Variants in ST6GALNAC5 observed in about 807,000 individuals in gnomAD.
ST6GALNAC5 encodes alpha-N-acetylgalactosaminide alpha-2,6-sialyltransferase 5.
A neutral mutation model predicts 33.6 loss-of-function variants in ST6GALNAC5; 27 were observed. The observed-to-expected ratio is 0.80, with a 90% CI of 0.59 to 1.11. The LOEUF (loss-of-function observed/expected upper bound fraction) is 1.11, where lower values mean the gene tolerates loss of function less well. ST6GALNAC5 is among the 50% of genes least tolerant of loss of function. The pLI is 0.00. For missense variants in ST6GALNAC5, 428 were observed against 454.0 expected (o/e 0.94, Z 0.52); for synonymous variants, 194 against 171.2 (o/e 1.13, Z -1.04).
At chr1:76,972,534 T>C (rs75257984) in intron 2 of ST6GALNAC5, among the ~76,000 whole-genome samples, 1,694 of 152,334 alleles carry the variant, frequency 0.011, 30 homozygotes, top group African/African-American at 0.039. Flanking sequence ...TTTTCAATAA[T>C]GTATACGTTT....
At chr1:77,058,776 G>C (rs1652481016) in intron 4 of ST6GALNAC5, among the ~76,000 whole-genome samples, 1 of 152,226 alleles carries the variant, frequency 6.6e-6, no homozygotes, top group Non-Finnish European at 1.5e-5. Flanking sequence ...AGCTGAAATA[G>C]TCAAGTCCAG....
At chr1:77,047,787 A>T (rs1438953052) in intron 3 of ST6GALNAC5, among the ~76,000 whole-genome samples, 1 of 152,240 alleles carries the variant, frequency 6.6e-6, no homozygotes, top group Non-Finnish European at 1.5e-5. Context: ...CTGGTGGAGC[A>T]GAAAGGCCCT....
At chr1:76,893,733 T>C (rs1363399678) in intron 2 of ST6GALNAC5, among the ~76,000 whole-genome samples, 1 of 152,188 alleles carries the variant, frequency 6.6e-6, no homozygotes, top group Non-Finnish European at 1.5e-5. Flanking sequence ...CGATCTCGGC[T>C]CACTGCAACC....
chr1:77,002,370 T>C (rs1557756009), intron 2 of ST6GALNAC5, among the ~76,000 whole-genome samples: 1 of 152,162 alleles, frequency 6.6e-6, no homozygotes, highest in Non-Finnish European at 1.5e-5. Context: ...GTCTATTTGA[T>C]TCTTCTCTCT....
intron 2 of ST6GALNAC5, among the ~76,000 whole-genome samples, chr1:76,945,274 A>G (rs1647476212): frequency 6.6e-6 from 1 of 152,120 alleles, no homozygotes; most frequent in African/African-American, 2.4e-5. Flanking sequence ...TGGGAGAAAA[A>G]AAAAAGGAAG....
At chr1:76,910,727 G>A (rs1014786140) in intron 2 of ST6GALNAC5, among the ~76,000 whole-genome samples, 27 of 151,988 alleles carry the variant, frequency 1.8e-4, no homozygotes, top group Admixed American at 6.6e-4. Context: ...CAATATTAAC[G>A]TCTGCATCCA....
intron 2 of ST6GALNAC5, among the ~76,000 whole-genome samples, chr1:76,967,765 G>A (rs1648563129): frequency 6.6e-6 from 1 of 152,194 alleles, no homozygotes; most frequent in African/African-American, 2.4e-5. Context: ...GTGTCCCAGA[G>A]ATTCTGGTAC....
At chr1:76,929,551 A>T (rs1201188626) in intron 2 of ST6GALNAC5, among the ~76,000 whole-genome samples, 1 of 152,100 alleles carries the variant, frequency 6.6e-6, no homozygotes, top group Non-Finnish European at 1.5e-5. Flanking sequence ...AGAAGAAGAA[A>T]AAAACTGCAT....
At chr1:76,924,213 A>T (rs1647062999) in intron 2 of ST6GALNAC5, among the ~76,000 whole-genome samples, 2 of 152,124 alleles carry the variant, frequency 1.3e-5, no homozygotes, top group Admixed American at 1.3e-4. Flanking sequence ...TTGTTTTCCC[A>T]TTCCACTAAG....
chr1:77,001,605 T>C (rs1380562907), intron 2 of ST6GALNAC5, among the ~76,000 whole-genome samples: 1 of 151,968 alleles, frequency 6.6e-6, no homozygotes, highest in Non-Finnish European at 1.5e-5. Flanking sequence ...TTTTTGCCCA[T>C]TCAGTATGAT....
Position 76,974,207 on chromosome 1 carries a change from C to CTTTT in ST6GALNAC5, c.262-69978_262-69975dup, listed in dbSNP as rs766393000. Reference sequence around the variant, plus strand: ...TGTTGAAGTATTCTTTTGCTTTTCACTTTTTTTTTTTTTTTTTTTTTTAGA... The same window carrying CTTTT: ...TGTTGAAGTATTCTTTTGCTTTTCACTTTTTTTTTTTTTTTTTTTTTTTTTTAGA... On this transcript the variant is annotated intron_variant, in intron 2 of 4. Transcript: ENST00000477717. Among the ~76,000 whole-genome samples the CTTTT allele has an allele frequency of 8.0e-3, 958 of 120,240 alleles. 17 individuals are homozygous for CTTTT. Among genetic ancestry groups the CTTTT allele is most frequent in the African/African-American group, 0.028 (894 of 31,936 alleles). The allele number at this position is 120,240 out of a possible 152,430, so 78.9% of individuals were successfully genotyped here.
intron 2 of ST6GALNAC5, among the ~76,000 whole-genome samples, chr1:76,945,825 G>A (rs1045342778): frequency 5.3e-5 from 8 of 152,050 alleles, no homozygotes; most frequent in Non-Finnish European, 1.2e-4. Context: ...TCTCCCACTT[G>A]CTGTGATATA....
At chr1:77,034,231 GGT>G (rs1254317812) in intron 2 of ST6GALNAC5, among the ~76,000 whole-genome samples, 2 of 152,006 alleles carry the variant, frequency 1.3e-5, no homozygotes, top group African/African-American at 4.8e-5. Context: ...AGCTTCTGGT[GGT>G]TGCCAGCGAA....
intron 2 of ST6GALNAC5, among the ~76,000 whole-genome samples, chr1:76,953,657 A>G (rs1179277314): frequency 6.6e-6 from 1 of 152,128 alleles, no homozygotes; most frequent in Non-Finnish European, 1.5e-5. Flanking sequence ...AGTCTTTTGC[A>G]GCATAAAAGT....
intron 1 of ST6GALNAC5, among the ~76,000 whole-genome samples, chr1:76,867,976 A>C (rs1557702769): frequency 6.6e-6 from 1 of 152,120 alleles, no homozygotes. Context: ...AGGAGTGGGC[A>C]GATTGCTCAA....
chr1:77,023,066 G>C (rs1651112226), intron 2 of ST6GALNAC5, among the ~76,000 whole-genome samples: 1 of 152,146 alleles, frequency 6.6e-6, no homozygotes, highest in Admixed American at 6.5e-5. Context: ...AAGAGGTTGG[G>C]ACACTGAAAA....
chr1:77,027,815 T>A (rs532179449), intron 2 of ST6GALNAC5, among the ~76,000 whole-genome samples: 6 of 152,302 alleles, frequency 3.9e-5, no homozygotes, highest in African/African-American at 1.4e-4. Flanking sequence ...GGAATTGGAA[T>A]TATTTAATAC....
At chr1:76,882,793 C>A (rs996675054) in intron 2 of ST6GALNAC5, among the ~76,000 whole-genome samples, 1 of 152,146 alleles carries the variant, frequency 6.6e-6, no homozygotes. Context: ...CCTATGGCTT[C>A]CCATTGCCTA....
chr1:76,955,773 T>C (rs1432648187), intron 2 of ST6GALNAC5, among the ~76,000 whole-genome samples: 1 of 152,222 alleles, frequency 6.6e-6, no homozygotes, highest in Non-Finnish European at 1.5e-5. Flanking sequence ...CTGAGTCTTT[T>C]TCATTTTAAG....
Sources: gnomAD v4.1 joint callset for allele counts (sites outside exome capture counted in the v4.1 genomes callset) on GRCh38, gnomAD v4.1.1 for gene constraint, MANE v1.5 for transcripts, NCBI Gene and HGNC (gene_info 2026-07-23, HGNC 2026-07-21) for gene names.